The following AHI1 variants were observed in gnomAD, a reference collection of about 807,000 sequenced individuals.
The protein encoded by AHI1 is Abelson helper integration site 1, also known as jouberin.
Under a neutral mutation model 149.3 loss-of-function variants are expected in AHI1, and 123 were observed. That is an observed-to-expected ratio of 0.82 (90% CI 0.71 to 0.96). The LOEUF (loss-of-function observed/expected upper bound fraction) is 0.96, where lower values mean the gene tolerates loss of function less well. Ranked by LOEUF, AHI1 falls within the 40% of genes least tolerant of loss-of-function variation. AHI1 has a pLI of 0.00. For synonymous variants in AHI1, 475 were observed against 459.8 expected (o/e 1.03, Z -0.42); for missense variants, 1,439 against 1,422.7 (o/e 1.01, Z -0.18).
chr6:135,497,466 T>G (rs1249613904), intron 1 of AHI1, 117 bp downstream of exon 1: 1 of 152,338 alleles, frequency 6.6e-6, no homozygotes, highest in Non-Finnish European at 1.5e-5. Context: ...GTCACTACGC[T>G]ATCAGCCTCC....
chr6:135,342,748 C>G (rs1790564179), intron 24 of AHI1, among the ~76,000 whole-genome samples: 1 of 151,618 alleles, frequency 6.6e-6, no homozygotes, highest in African/African-American at 2.4e-5. Context: ...TGTCCTCAAC[C>G]TGATAATATA....
At chr6:135,364,587 T>G (rs997673582) in intron 23 of AHI1, among the ~76,000 whole-genome samples, 3 of 151,382 alleles carry the variant, frequency 2.0e-5, no homozygotes, top group Non-Finnish European at 2.9e-5. Context: ...GCCACTGCAC[T>G]CCAGCCTGGG....
At chr6:135,297,343 C>A in intron 27 of AHI1, 1 of 441,118 alleles carries the variant, frequency 2.3e-6, no homozygotes, top group Non-Finnish European at 4.6e-6. Flanking sequence ...TCTCCCCTCT[C>A]TTCATAGCCG....
At chr6:135,325,887 GC>G (rs1787597209) in intron 24 of AHI1, among the ~76,000 whole-genome samples, 1 of 152,166 alleles carries the variant, frequency 6.6e-6, no homozygotes, top group African/African-American at 2.4e-5. Flanking sequence ...CCTACATCAG[GC>G]TGTGTCACTG....
chr6:135,302,607 A>G (rs1387170923), intron 26 of AHI1: 1 of 1,127,560 alleles, frequency 8.9e-7, no homozygotes. Flanking sequence ...AAATTATATG[A>G]ATCCTAAGTT....
At chr6:135,390,784 C>T (rs1778374186) in intron 23 of AHI1, among the ~76,000 whole-genome samples, 1 of 152,102 alleles carries the variant, frequency 6.6e-6, no homozygotes, top group Non-Finnish European at 1.5e-5. Flanking sequence ...CATGTTTACT[C>T]TACTTTTCAG....
intron 8 of AHI1, among the ~76,000 whole-genome samples, chr6:135,461,865 A>G (rs908358454): frequency 6.6e-6 from 1 of 152,070 alleles, no homozygotes; most frequent in African/African-American, 2.4e-5. Context: ...TATTCATATT[A>G]AAGTATAAAA....
chr6:135,340,436 C>T (rs1322032879), intron 24 of AHI1, among the ~76,000 whole-genome samples: 1 of 150,272 alleles, frequency 6.7e-6, no homozygotes, highest in Non-Finnish European at 1.5e-5. Flanking sequence ...TCCTGGGTTA[C>T]TGAAAAAATA....
At chr6:135,480,998 A>C (rs1412717400) in intron 5 of AHI1, among the ~76,000 whole-genome samples, 1 of 152,214 alleles carries the variant, frequency 6.6e-6, no homozygotes, top group Non-Finnish European at 1.5e-5. Context: ...CACTCCATGG[A>C]AAAATTGTCT....
At chr6:135,332,425 C>A (rs1322045962) in intron 24 of AHI1, among the ~76,000 whole-genome samples, 1 of 152,162 alleles carries the variant, frequency 6.6e-6, no homozygotes, top group African/African-American at 2.4e-5. Context: ...GATAAATTAA[C>A]CCCACTATCA....
At chr6:135,490,891 C>T (rs1795165128) in intron 4 of AHI1, 144 bp from the exon 5 acceptor site, 8 of 1,076,608 alleles carry the variant, frequency 7.4e-6, no homozygotes, top group African/African-American at 1.6e-5. Context: ...ATCTTTCCTT[C>T]TTAAAATATT....
Position 135,428,716 on chromosome 6 carries a change from T to C in AHI1, c.2536A>G (p.Lys846Glu). Reference sequence around the variant, plus strand: ...CATGGAGTCAAAGTACTATGAATCTTCTCCCGATAATTTGCTGCTCCTACA... The same window carrying C: ...CATGGAGTCAAAGTACTATGAATCTCCTCCCGATAATTTGCTGCTCCTACA... The part of the protein sequence containing the change: ...KFVGAANYRE[K>E]IHSTLTPCGT... Residue 846 changes from lysine to glutamate, a missense_variant, in exon 19 of 29, where the codon AAG becomes GAG. Transcript: ENST00000265602. 6.2e-7 allele frequency: 1 copy of C among 1,607,510 alleles called. No homozygotes were observed. Among genetic ancestry groups the C allele is most frequent in the South Asian group, 1.1e-5 (1 of 89,972 alleles).
chr6:135,446,885 T>G, intron 13 of AHI1, 123 bp downstream of exon 13: 3 of 1,036,526 alleles, frequency 2.9e-6, no homozygotes, highest in Non-Finnish European at 4.1e-6. Flanking sequence ...GGCAAAATTG[T>G]GGTTAAAAAC....
chr6:135,363,981 C>T (rs1429728902), intron 23 of AHI1, among the ~76,000 whole-genome samples: 26 of 139,004 alleles, frequency 1.9e-4, no homozygotes, highest in African/African-American at 4.7e-4. Context: ...GGCGGCTGGC[C>T]GGGCAGAGGG....
intron 23 of AHI1, among the ~76,000 whole-genome samples, chr6:135,364,052 G>A (rs537296862): frequency 5.0e-4 from 75 of 149,794 alleles, no homozygotes; most frequent in South Asian, 2.5e-3. Context: ...CGGACAGGGC[G>A]GCTGGCCGGG....
At position 135,466,221 on chromosome 6, in the gene AHI1, A is replaced by G. The variant is rs746705375; in HGVS notation, c.342T>C (p.Asp114=). 6.2e-7 allele frequency: 1 copy of G among 1,613,964 alleles called. No individual in the cohort carries two copies. The highest frequency in any genetic ancestry group is 1.1e-5 in the South Asian group (1 of 91,082). ...TQLATENPNG[D]ASVEEDKQGK... ...CTTGTTTGTCTTCCTCTACACTAGC[A>G]TCACCATTAGGATTTTCAGTTGCTA... Residue 114 remains aspartate (D), a synonymous_variant, in exon 7 of 29, where the codon GAT becomes GAC. Transcript: ENST00000265602.
At chr6:135,317,091 T>G (rs1786070948) in intron 26 of AHI1, among the ~76,000 whole-genome samples, 1 of 152,112 alleles carries the variant, frequency 6.6e-6, no homozygotes, top group African/African-American at 2.4e-5. Flanking sequence ...TCCCCTGACC[T>G]CCATCCCCCC....
At chr6:135,470,232 T>C (rs1056175107) in intron 5 of AHI1, among the ~76,000 whole-genome samples, 3 of 152,182 alleles carry the variant, frequency 2.0e-5, no homozygotes, top group Non-Finnish European at 4.4e-5. Flanking sequence ...ACATCACTGA[T>C]GGTTAGAGAA....
rs200355875 is a variant in AHI1 at position 135,427,271 on chromosome 6, T to C, written c.2660A>G (p.Lys887Arg). The C allele has an allele frequency of 4.8e-5, 77 of 1,610,226 alleles. No individual in the cohort carries two copies. The Middle Eastern group carries it at 1.0e-3, about 21-fold the overall frequency. Residue 887 changes from lysine to arginine, a missense_variant, in exon 20 of 29, where the codon AAG (lysine) becomes AGG (arginine). Lys to Arg is a conservative substitution (Grantham distance 26). Coordinates refer to ENST00000265602, the MANE Select transcript of AHI1 (RefSeq NM_001134831.2). ...QVAMYSDLPF[K>R]SPIRDISYHP... The stretch of plus-strand genomic sequence containing the variant: ...ATAAGAAATGTCTCGAATGGGTGAC[T>C]TGAATGGCAAGTCAGAATACATGGC...
Sources: allele counts gnomAD v4.1 joint callset (sites outside exome capture counted in the v4.1 genomes callset), GRCh38; gene constraint gnomAD v4.1.1; transcripts MANE v1.5; gene names NCBI Gene and HGNC (gene_info 2026-07-23, HGNC 2026-07-21).